Variants in RCL1 observed in about 807,000 individuals in gnomAD.
RCL1 encodes RNA terminal phosphate cyclase like 1.
A neutral mutation model predicts 42.4 loss-of-function variants in RCL1; 24 were observed. The observed-to-expected ratio is 0.57, with a 90% CI of 0.41 to 0.80. The LOEUF is 0.80. Among genes scored for constraint, RCL1 ranks in the 30% least tolerant of loss-of-function variants. The pLI, the probability that RCL1 is intolerant of heterozygous loss-of-function variation, is 0.00. For synonymous variants in RCL1, 228 were observed against 177.3 expected, an observed-to-expected ratio of 1.29 and a Z score of -2.27; for missense variants, 578 against 467.9, an observed-to-expected ratio of 1.24 and a Z score of -2.17.
intron 2 of RCL1, among the ~76,000 whole-genome samples, chr9:4,825,576 A>G (rs982609311): frequency 5.3e-5 from 8 of 152,176 alleles, no homozygotes. Flanking sequence ...ACTTTTTCCC[A>G]TTTGAGTGAC....
chr9:4,836,175 C>T (rs966488456), intron 5 of RCL1, among the ~76,000 whole-genome samples: 1 of 152,180 alleles, frequency 6.6e-6, no homozygotes, highest in African/African-American at 2.4e-5. Context: ...TAACACAGTG[C>T]CAGCTGCATG....
intron 7 of RCL1, 130 bp downstream of exon 7, chr9:4,844,811 G>T (rs1817457753): frequency 2.2e-6 from 2 of 893,730 alleles, no homozygotes; most frequent in Non-Finnish European, 3.4e-6. Context: ...TGTGCATTAA[G>T]CAGTTCAGCC....
chr9:4,804,679 T>A (rs930392437), intron 1 of RCL1: 3 of 164,318 alleles, frequency 1.8e-5, no homozygotes, highest in South Asian at 1.2e-4. Flanking sequence ...CTGGCCTGCA[T>A]GGCTAGTCAA....
Position 4,803,345 on chromosome 9 carries a change from C to G in RCL1, c.136+10118C>G, listed in dbSNP as rs1248845642. Among the ~76,000 whole-genome samples the G allele has an allele frequency of 2.0e-5, 3 of 152,280 alleles. No homozygotes were observed. In the East Asian group the frequency reaches 5.8e-4, roughly 29 times the overall value. On this transcript the variant is annotated intron_variant, in intron 1 of 8. Coordinates refer to ENST00000381750, the MANE Select transcript of RCL1 (RefSeq NM_005772.5). ...ACACACATTTTCTGTATCTGAATTT[C>G]TTCTTCTAACATCATAATAATGATT...
chr9:4,858,293 C>CT, intron 8 of RCL1, among the ~76,000 whole-genome samples: 1 of 152,208 alleles, frequency 6.6e-6, no homozygotes, highest in South Asian at 2.1e-4. Context: ...TTCTCCAATC[C>CT]TGTAGGTTGT....
chr9:4,838,912 A>G (rs533461939), intron 5 of RCL1, among the ~76,000 whole-genome samples: 1 of 152,230 alleles, frequency 6.6e-6, no homozygotes, highest in Non-Finnish European at 1.5e-5. Flanking sequence ...TTGGGCTCCT[A>G]CTACACACTA....
Position 4,837,743 on chromosome 9 carries a change from A to G in RCL1, c.584+3478A>G, listed in dbSNP as rs117027148. Among the ~76,000 whole-genome samples, 402 of 152,232 alleles carry G rather than the reference A, an allele frequency of 2.6e-3. 17 individuals are homozygous for G. The East Asian group carries it at 0.071, about 27-fold the overall frequency. ...AGTGCCGGGCACCTTGGGTGTAACT[A>G]TGTTCCTCCCTGGCTTCTCCCTCTA... On this transcript the variant is annotated intron_variant, in intron 5 of 8. Transcript: ENST00000381750.
In RCL1 at chr9:4,841,367, T is replaced by C. The variant is rs763492264; in HGVS notation, c.710+10T>C. 1.9e-6 allele frequency: 3 copies of C among 1,606,362 alleles called. No individual in the cohort carries two copies. Among genetic ancestry groups the C allele is most frequent in the South Asian group, 2.2e-5 (2 of 90,794 alleles). On this transcript the variant is annotated intron_variant, in intron 6 of 8. Coordinates refer to ENST00000381750, the MANE Select transcript of RCL1 (RefSeq NM_005772.5). ...GAGTCAACTCTGGGAAGTAAGTATC[T>C]GTGTTTTTGAAGTCTGTTTCTGCAG...
chr9:4,837,606 G>T, intron 5 of RCL1, among the ~76,000 whole-genome samples: 1 of 152,332 alleles, frequency 6.6e-6, no homozygotes, highest in Admixed American at 6.5e-5. Flanking sequence ...TTTCATCACA[G>T]TGGGGTCCCC....
rs574481484 is a variant in RCL1, at chr9:4,840,133, C to G, written c.585-1099C>G. ...TTTTAGTATGAAGTTCAGGATGGGT[C>G]AAAAAAGGGAGCTAGATACCAGATC... is the stretch of plus-strand genomic sequence containing the variant. On this transcript the variant is annotated intron_variant, in intron 5 of 8. Transcript: ENST00000381750. Among the ~76,000 whole-genome samples, 17 of 151,592 alleles carry G rather than the reference C, an allele frequency of 1.1e-4. No individual in the cohort carries two copies. In the South Asian group the frequency reaches 3.5e-3, roughly 32 times the overall value.
At chr9:4,816,964 T>G (rs1391225476) in intron 1 of RCL1, among the ~76,000 whole-genome samples, 1 of 152,260 alleles carries the variant, frequency 6.6e-6, no homozygotes, top group African/African-American at 2.4e-5. Flanking sequence ...CTACAGGCAC[T>G]TGCCACCATG....
Position 4,833,828 on chromosome 9 carries a change from A to G in RCL1, c.460-313A>G, listed in dbSNP as rs544143001. Reference sequence around the variant, plus strand: ...GGAGGAGAAAAAGGGGTTTCTGATTATTAAGAAATGGGCTCAGATGATGGA... The same window carrying G: ...GGAGGAGAAAAAGGGGTTTCTGATTGTTAAGAAATGGGCTCAGATGATGGA... On this transcript the variant is annotated intron_variant, in intron 4 of 8. Coordinates refer to ENST00000381750, the MANE Select transcript of RCL1 (RefSeq NM_005772.5). 3.3e-5 allele frequency among the ~76,000 whole-genome samples: 5 copies of G among 152,350 alleles called. No individual in the cohort carries two copies. The East Asian group carries it at 7.7e-4, about 23-fold the overall frequency.
At chr9:4,795,058 T>C (rs1030224592) in intron 1 of RCL1, among the ~76,000 whole-genome samples, 5 of 151,648 alleles carry the variant, frequency 3.3e-5, no homozygotes, top group African/African-American at 1.2e-4. Context: ...TCAGAAACCT[T>C]GTAGATGTTT....
chr9:4,793,149 C>G lies in RCL1; in HGVS notation c.58C>G (p.Leu20Val). The G allele has an allele frequency of 6.2e-7, 1 of 1,612,496 alleles. No homozygotes were observed. Among genetic ancestry groups the G allele is most frequent in the Non-Finnish European group, 8.5e-7 (1 of 1,179,392 alleles). ...AGGGTGCAACTTCTTGCGCCAACGT[C>G]TGGTCCTGTCTACCCTGAGCGGGCG... is the stretch of plus-strand genomic sequence containing the variant. ...YAGCNFLRQRLVLSTLSGRPV... is the reference protein window; with the variant it reads ...YAGCNFLRQRVVLSTLSGRPV... Residue 20 changes from leucine to valine, a missense_variant, in exon 1 of 9, where the codon CTG becomes GTG. Transcript: ENST00000381750.
intron 1 of RCL1, among the ~76,000 whole-genome samples, chr9:4,797,924 G>A (rs1842939664): frequency 6.6e-6 from 1 of 152,218 alleles, no homozygotes; most frequent in African/African-American, 2.4e-5. Context: ...CCAGCCACAT[G>A]TATAATTTAT....
intron 8 of RCL1, among the ~76,000 whole-genome samples, chr9:4,852,056 T>C (rs1817772007): frequency 6.6e-6 from 1 of 152,092 alleles, no homozygotes; most frequent in Non-Finnish European, 1.5e-5. Context: ...TAATTTTTTG[T>C]ATTTTTAGTA....
At chr9:4,807,007 A>G (rs1289094347) in intron 1 of RCL1, among the ~76,000 whole-genome samples, 1 of 152,176 alleles carries the variant, frequency 6.6e-6, no homozygotes, top group Non-Finnish European at 1.5e-5. Context: ...CGTTTCATCT[A>G]ACTTGTTGAA....
At chr9:4,796,758 C>T (rs1461942127) in intron 1 of RCL1, among the ~76,000 whole-genome samples, 1 of 152,030 alleles carries the variant, frequency 6.6e-6, no homozygotes, top group Non-Finnish European at 1.5e-5. Flanking sequence ...ACCACATTTT[C>T]TTTATCTAGT....
intron 1 of RCL1, among the ~76,000 whole-genome samples, chr9:4,797,906 A>G (rs1409391002): frequency 6.6e-6 from 1 of 152,230 alleles, no homozygotes; most frequent in African/African-American, 2.4e-5. Flanking sequence ...GCTGGTGATT[A>G]TAATTGTCCA....
Sources: allele counts gnomAD v4.1 joint callset (sites outside exome capture counted in the v4.1 genomes callset), GRCh38; gene constraint gnomAD v4.1.1; transcripts MANE v1.5; gene names NCBI Gene and HGNC (gene_info 2026-07-23, HGNC 2026-07-21).